The following ADAM8 variants were observed in gnomAD, a reference collection of about 807,000 sequenced individuals.
ADAM8 encodes the protein ADAM metallopeptidase domain 8, also known as disintegrin and metalloproteinase domain-containing protein 8.
In ADAM8, 104 loss-of-function variants were observed where a neutral mutation model predicts 102.4. The ratio of observed to expected loss-of-function variants is 1.02; its 90% CI spans 0.87 to 1.20. The LOEUF (loss-of-function observed/expected upper bound fraction) is 1.20. ADAM8 is among the 50% of genes most tolerant of loss of function. The pLI, the probability that ADAM8 is intolerant of heterozygous loss-of-function variation, is 0.00. For missense variants in ADAM8, 1,132 were observed against 1,159.0 expected (o/e 0.98, Z 0.34); for synonymous variants, 517 against 485.2 (o/e 1.07, Z -0.86).
In ADAM8 at chr10:133,271,184, G is replaced by A; in HGVS notation, c.1374+16C>T. The A allele has an allele frequency of 6.2e-7, 1 of 1,606,820 alleles. No homozygotes were observed. The highest frequency in any genetic ancestry group is 8.5e-7 in the Non-Finnish European group (1 of 1,176,242). The stretch of plus-strand genomic sequence containing the variant: ...GCCATGGGCTCTGGGGGTCACTGGT[G>A]GGAGGCTGCACTCACCTTGCACTCC... On this transcript the variant is annotated intron_variant, in intron 13 of 22. Coordinates refer to ENST00000445355, the MANE Select transcript of ADAM8 (RefSeq NM_001109.5).
At chr10:133,273,498 C>G in intron 5 of ADAM8, 55 bp from the exon 6 acceptor site, 1 of 1,474,754 alleles carries the variant, frequency 6.8e-7, no homozygotes, top group Non-Finnish European at 9.0e-7. Context: ...CTGGTCCTGC[C>G]CCGAAGGACC....
chr10:133,273,086 C>T, intron 6 of ADAM8, 67 bp from the exon 7 acceptor site: 2 of 1,608,892 alleles, frequency 1.2e-6, no homozygotes, highest in East Asian at 2.2e-5. Context: ...CCCTCAGGGA[C>T]CCGGGGCCAC....
At chr10:133,271,140 G>A (rs1399807647) in intron 13 of ADAM8, 60 bp downstream of exon 13, 28 of 1,594,138 alleles carry the variant, frequency 1.8e-5, no homozygotes, top group Admixed American at 1.0e-4. Flanking sequence ...GGTGCCCCAG[G>A]GTCCCTTCCC....
chr10:133,271,536 G>C lies in ADAM8; in HGVS notation c.1276C>G (p.Pro426Ala), dbSNP rs1362167605. The C allele has an allele frequency of 1.9e-6, 3 of 1,554,344 alleles. No homozygotes were observed. The highest frequency in any genetic ancestry group is 4.7e-5 in the East Asian group (2 of 42,308). The change falls in exon 12 of 23, where the codon CCC becomes GCC. Residue 426 changes from proline to alanine, a missense_variant. Physicochemically the swap from Pro to Ala is conservative, Grantham distance 27 (BLOSUM62 -1). Transcript: ENST00000445355. The stretch of plus-strand genomic sequence containing the variant: ...ATGGGGCATGGACGCACCTCGGGGG[G>C]GCCGCAGTCGCACTGCTCCCCACGC... The part of the protein sequence containing the change: ...VERGEQCDCG[P>A]PEDCRNRCCN...
intron 2 of ADAM8, chr10:133,274,922 G>A (rs925814316): frequency 1.2e-5 from 5 of 428,072 alleles, no homozygotes; most frequent in Non-Finnish European, 1.9e-5. Flanking sequence ...GCCCAGGGCA[G>A]CGGGCAGGTC....
In ADAM8 at chr10:133,274,032, G is replaced by A. The variant is rs758355820; in HGVS notation, c.228-3C>T. The A allele has an allele frequency of 1.2e-6, 2 of 1,605,160 alleles. No homozygotes were observed. The highest frequency in any genetic ancestry group is 1.1e-5 in the South Asian group (1 of 89,774). On this transcript the variant is annotated splice_region_variant and splice_polypyrimidine_tract_variant and intron_variant, in intron 3 of 22. Transcript: ENST00000445355. ...TGTAGCCGGAGCCCAGCAGGTCCCT[G>A]GAAAAGAAGTGCTGTGACTGCCTCG...
chr10:133,267,876 T>C, intron 20 of ADAM8, 53 bp downstream of exon 20: 2 of 1,257,690 alleles, frequency 1.6e-6, no homozygotes, highest in Non-Finnish European at 2.0e-6. Context: ...GGTCGCAGGA[T>C]GGGGCCTGGG....
Position 133,275,469 on chromosome 10 carries a change from C to A in ADAM8, c.150+15G>T, listed in dbSNP as rs184126215. 12 of 1,520,766 alleles carry A rather than the reference C, an allele frequency of 7.9e-6. No individual in the cohort carries two copies. The highest frequency in any genetic ancestry group is 1.1e-5 in the Non-Finnish European group (12 of 1,134,132). The allele number at this position is 1,520,766 out of a possible 1,614,324, so 94.2% of individuals were successfully genotyped here. ...GGGCCAGCCAGGGACCCTCCCCAGGCCAGCTTAGACTCACCAAGTGGGAGG... is the reference window on the plus strand; with the variant it reads ...GGGCCAGCCAGGGACCCTCCCCAGGACAGCTTAGACTCACCAAGTGGGAGG... On this transcript the variant is annotated intron_variant, in intron 2 of 22. Transcript: ENST00000445355.
At position 133,267,401 on chromosome 10, in the gene ADAM8, G is replaced by A. The variant is rs1420454528; in HGVS notation, c.2270C>T (p.Ser757Phe). The A allele has an allele frequency of 3.1e-6, 5 of 1,610,138 alleles. No individual in the cohort carries two copies. The highest frequency in any genetic ancestry group is 1.1e-5 in the South Asian group (1 of 90,000). The change falls in exon 21 of 23, where the codon TCC (serine) becomes TTC (phenylalanine). Residue 757 changes from serine to phenylalanine, a missense_variant. By Grantham distance (155) the Ser-to-Phe change is radical. Coordinates refer to ENST00000445355, the MANE Select transcript of ADAM8 (RefSeq NM_001109.5). ...RPPPAPPVTV[S>F]SPPFPVPVYT... ...GACAGGAACTGGGAAGGGTGGGCTG[G>A]ACACAGTGACCGGAGGCTGGAGGAG...
intron 15 of ADAM8, 86 bp downstream of exon 15, chr10:133,270,650 A>G: frequency 6.5e-7 from 1 of 1,546,638 alleles, no homozygotes; most frequent in East Asian, 2.3e-5. Context: ...CCCTCATGGG[A>G]GCAGGACCCT....
rs541556557 is a variant in ADAM8 at position 133,271,663 on chromosome 10, G to T, written c.1149C>A (p.Tyr383Ter). Residue 383 changes from tyrosine to a stop codon, truncating the protein, a stop_gained, in exon 12 of 23, where the codon TAC becomes TAA. Coordinates refer to ENST00000445355, the MANE Select transcript of ADAM8 (RefSeq NM_001109.5). LOFTEE classifies it high-confidence loss of function. ...PRMFSDCSQAYLESFLERPQS... is the reference protein window; with the variant it reads ...PRMFSDCSQA ...GCGGCCGCTCCAAAAAGCTCTCCAG[G>T]TAGGCCTGGCTGCAGTCACTGAACA... The T allele has an allele frequency of 6.4e-7, 1 of 1,564,054 alleles. No individual in the cohort carries two copies. Among genetic ancestry groups the T allele is most frequent in the East Asian group, 2.4e-5 (1 of 41,952 alleles).
At position 133,271,715 on chromosome 10, in the gene ADAM8, C is replaced by T. The variant is rs750508716; in HGVS notation, c.1107-10G>A. On this transcript the variant is annotated splice_polypyrimidine_tract_variant and intron_variant, in intron 11 of 22. Transcript: ENST00000445355. Reference sequence around the variant, plus strand: ...CCTGGGGAAACTGGAGCTGGGGAGGCGGGGCAGCATTGGGGGAGGCGGCCT... The same window carrying T: ...CCTGGGGAAACTGGAGCTGGGGAGGTGGGGCAGCATTGGGGGAGGCGGCCT... The T allele has an allele frequency of 5.3e-6, 8 of 1,520,782 alleles. No homozygotes were observed. The East Asian group carries it at 1.3e-4, about 24-fold the overall frequency. 94.2% of individuals were successfully genotyped at this position (1,520,782 alleles called of 1,614,324 possible).
At chr10:133,264,368 C>T (rs1166306704) in intron 21 of ADAM8, among the ~76,000 whole-genome samples, 1 of 152,152 alleles carries the variant, frequency 6.6e-6, no homozygotes, top group East Asian at 1.9e-4. Flanking sequence ...GCCTGAAGAG[C>T]TCTACAGATT....
In ADAM8 at chr10:133,275,464, C is replaced by G; in HGVS notation, c.150+20G>C. ...CTCAGGGGCCAGCCAGGGACCCTCC[C>G]CAGGCCAGCTTAGACTCACCAAGTG... On this transcript the variant is annotated intron_variant, in intron 2 of 22. Transcript: ENST00000445355. 1 of 1,517,996 alleles carries G rather than the reference C, an allele frequency of 6.6e-7. No individual in the cohort carries two copies. The allele number at this position is 1,517,996 out of a possible 1,614,324, so 94.0% of individuals were successfully genotyped here.
intron 21 of ADAM8, among the ~76,000 whole-genome samples, chr10:133,264,381 C>T (rs528014262): frequency 4.6e-5 from 7 of 152,264 alleles, no homozygotes; most frequent in South Asian, 2.1e-4. Context: ...TACAGATTGC[C>T]GGAATGTGGG....
Position 133,272,807 on chromosome 10 carries a change from G to A in ADAM8, c.696C>T (p.His232=), listed in dbSNP as rs1302161610. Residue 232 remains histidine (H), a synonymous_variant, in exon 8 of 23, where the codon CAC becomes CAT. Transcript: ENST00000445355. The part of the protein sequence containing the change: ...VRHRVLEVVN[H]VDKLYQKLNF... The stretch of plus-strand genomic sequence containing the variant: ...CAGGACCGCTGCCCACCTTGTCCAC[G>A]TGATTCACCACCTCCAGCACCCGAT... 15 of 1,609,206 alleles carry A rather than the reference G, an allele frequency of 9.3e-6. No individual in the cohort carries two copies. The highest frequency in any genetic ancestry group is 1.8e-4 in the Middle Eastern group (1 of 5,616).
At chr10:133,270,292 C>T in intron 16 of ADAM8, 68 bp downstream of exon 16, 1 of 1,531,680 alleles carries the variant, frequency 6.5e-7, no homozygotes, top group East Asian at 2.3e-5. Flanking sequence ...AGAAACGCAT[C>T]TGCACCCACG....
In ADAM8 at chr10:133,269,629, C is replaced by T. The variant is rs185763723; in HGVS notation, c.1864-100G>A. On this transcript the variant is annotated intron_variant, in intron 17 of 22. Transcript: ENST00000445355. ...GAGGGCCCCGGGCCAGCCCCACCCC[C>T]GAGGGCCCCTCGGTCCCTGCCCACA... 213 of 1,255,622 alleles carry T rather than the reference C, an allele frequency of 1.7e-4. 1 individual carries two copies. In the East Asian group the frequency reaches 4.2e-3, roughly 25 times the overall value. The allele number at this position is 1,255,622 out of a possible 1,614,324, so 77.8% of individuals were successfully genotyped here.
In ADAM8 at chr10:133,273,784, G is replaced by C. The variant is rs754492032; in HGVS notation, c.361C>G (p.Leu121Val). ...CACCTGAGGCCGGCACAGGTGCTGA[G>C]GCTGGCGGCTGAGTCCGGGTACCCC... ...VEGYPDSAAS[L>V]STCAGLRGFF... The change falls in exon 5 of 23, where the codon CTC becomes GTC. Residue 121 changes from leucine to valine, a missense_variant. Coordinates refer to ENST00000445355, the MANE Select transcript of ADAM8 (RefSeq NM_001109.5). 4 of 1,548,942 alleles carry C rather than the reference G, an allele frequency of 2.6e-6. No homozygotes were observed. Among genetic ancestry groups the C allele is most frequent in the Non-Finnish European group, 3.5e-6 (4 of 1,146,826 alleles).
Sources: allele counts gnomAD v4.1 joint callset (sites outside exome capture counted in the v4.1 genomes callset), GRCh38; gene constraint gnomAD v4.1.1; transcripts MANE v1.5; gene names NCBI Gene and HGNC (gene_info 2026-07-23, HGNC 2026-07-21).